The following MPV17L variants were observed in gnomAD, a reference collection of about 807,000 sequenced individuals.
MPV17L encodes mpv17-like protein.
Under a neutral mutation model 25.8 loss-of-function variants are expected in MPV17L, and 24 were observed. The ratio of observed to expected loss-of-function variants is 0.93; its 90% CI spans 0.67 to 1.31. The LOEUF is 1.31. Ranked by LOEUF, MPV17L falls within the 50% of genes most tolerant of loss-of-function variation. The pLI, the probability that MPV17L is intolerant of heterozygous loss-of-function variation, is 0.00. For missense variants in MPV17L, 250 were observed against 265.6 expected, an observed-to-expected ratio of 0.94 and a Z score of 0.41; for synonymous variants, 102 against 115.3, an observed-to-expected ratio of 0.88 and a Z score of 0.74.
In MPV17L at chr16:15,402,585, G is replaced by A. The variant is rs529991579; in HGVS notation, c.381+1728G>A. Reference sequence around the variant, plus strand: ...AACTATAAGTGTGTTCAGAACTCTTGTGATTTCTCTTAGGGCAGAAATTGA... The same window carrying A: ...AACTATAAGTGTGTTCAGAACTCTTATGATTTCTCTTAGGGCAGAAATTGA... On this transcript the variant is annotated intron_variant, in intron 2 of 3. Transcript: ENST00000396385. 2.0e-5 allele frequency among the ~76,000 whole-genome samples: 3 copies of A among 152,260 alleles called. No individual in the cohort carries two copies. The South Asian group carries it at 6.2e-4, about 32-fold the overall frequency.
In MPV17L at chr16:15,411,383, T is replaced by C. The variant is rs1460229741; in HGVS notation, c.*3271T>C. On this transcript the variant is annotated 3_prime_UTR_variant, in exon 4 of 4. Coordinates refer to ENST00000396385, the MANE Select transcript of MPV17L (RefSeq NM_001128423.2). ...ACTTGGGGCTGGGCATGATCGCTTA[T>C]GTCTATAATCCAAGTGCTTTGGGAG... 6.6e-6 allele frequency: 1 copy of C among 152,264 alleles called. No individual in the cohort carries two copies. Among genetic ancestry groups the C allele is most frequent in the Admixed American group, 6.5e-5 (1 of 15,276 alleles). 9.4% of individuals were successfully genotyped at this position (152,264 alleles called of 1,614,324 possible).
rs778444567 is a variant in MPV17L at position 15,407,800 on chromosome 16, G to T, written c.382-24G>T. ...TAAAAGGCAATCTAATAAAGTTGTT[G>T]CTTTTTTTTTTTCCCAATTCCAGAG... On this transcript the variant is annotated intron_variant, in intron 2 of 3. Transcript: ENST00000396385. 1.3e-5 allele frequency: 19 copies of T among 1,483,872 alleles called. No individual in the cohort carries two copies. The South Asian group carries it at 2.2e-4, about 17-fold the overall frequency. 91.9% of individuals were successfully genotyped at this position (1,483,872 alleles called of 1,614,324 possible).
At chr16:15,403,915 C>A (rs2050659987) in intron 2 of MPV17L, among the ~76,000 whole-genome samples, 1 of 152,024 alleles carries the variant, frequency 6.6e-6, no homozygotes, top group Non-Finnish European at 1.5e-5. Flanking sequence ...CGCCTGTAAT[C>A]ACAGCACTTT....
At chr16:15,400,383 C>T (rs2050622966) in intron 1 of MPV17L, among the ~76,000 whole-genome samples, 1 of 133,076 alleles carries the variant, frequency 7.5e-6, no homozygotes, top group Non-Finnish European at 1.5e-5. Context: ...CAGGGTCTTG[C>T]TGTGTTGCCC....
rs2050706341 is a variant in MPV17L at position 15,408,822 on chromosome 16, T to C, written c.*710T>C. Reference sequence around the variant, plus strand: ...GTTTTTGACACAGAGTCTCGCTCTGTCGCCCAGGCTGGAATGCAGTTGTGA... The same window carrying C: ...GTTTTTGACACAGAGTCTCGCTCTGCCGCCCAGGCTGGAATGCAGTTGTGA... On this transcript the variant is annotated 3_prime_UTR_variant, in exon 4 of 4. Transcript: ENST00000396385. 1 of 152,070 alleles carries C rather than the reference T, an allele frequency of 6.6e-6. No individual in the cohort carries two copies. Among genetic ancestry groups the C allele is most frequent in the African/African-American group, 2.4e-5 (1 of 41,366 alleles). 9.4% of individuals were successfully genotyped at this position (152,070 alleles called of 1,614,324 possible). A position where few individuals can be genotyped will look rare whatever the true frequency, so the allele number is the denominator to read the frequency against.
At position 15,412,688 on chromosome 16, in the gene MPV17L, G is replaced by C. The variant is rs2050743611; in HGVS notation, c.*4576G>C. 6.7e-6 allele frequency: 1 copy of C among 149,924 alleles called. No individual in the cohort carries two copies. The highest frequency in any genetic ancestry group is 2.1e-4 in the South Asian group (1 of 4,774). 9.3% of individuals were successfully genotyped at this position (149,924 alleles called of 1,614,324 possible). A position where few individuals can be genotyped will look rare whatever the true frequency, so the allele number is the denominator to read the frequency against. On this transcript the variant is annotated 3_prime_UTR_variant, in exon 4 of 4. Coordinates refer to ENST00000396385, the MANE Select transcript of MPV17L (RefSeq NM_001128423.2). ...TCTCCCGGGTTCACGCCATTCTCCT[G>C]CCTCAGCCCAAGTAGCAGGGACTAA...
intron 2 of MPV17L, among the ~76,000 whole-genome samples, chr16:15,402,822 A>T (rs1208919581): frequency 6.6e-6 from 1 of 151,800 alleles, no homozygotes; most frequent in Non-Finnish European, 1.5e-5. Context: ...GGAATTACAG[A>T]CTTGCACCAC....
intron 1 of MPV17L, among the ~76,000 whole-genome samples, chr16:15,400,488 C>A (rs912246786): frequency 6.6e-6 from 1 of 151,692 alleles, no homozygotes; most frequent in African/African-American, 2.4e-5. Flanking sequence ...GTAGCTATGA[C>A]TACAGGCACG....
In MPV17L at chr16:15,408,099, A is replaced by G; in HGVS notation, c.578A>G (p.Tyr193Cys). The change falls in exon 4 of 4, where the codon TAC (tyrosine) becomes TGC (cysteine). Residue 193 changes from tyrosine to cysteine, a missense_variant. By Grantham distance (194) the Tyr-to-Cys change is radical. Coordinates refer to ENST00000396385, the MANE Select transcript of MPV17L (RefSeq NM_001128423.2). ...YTKGTSATEG[Y>C]PKK ...AAGGGGACCAGTGCCACAGAAGGGTACCCGAAGAAATGAGAAGTCAAGGAC... is the reference window on the plus strand; with the variant it reads ...AAGGGGACCAGTGCCACAGAAGGGTGCCCGAAGAAATGAGAAGTCAAGGAC... 1 of 1,598,230 alleles carries G rather than the reference A, an allele frequency of 6.3e-7. No homozygotes were observed. Among genetic ancestry groups the G allele is most frequent in the African/African-American group, 1.3e-5 (1 of 74,698 alleles).
chr16:15,402,981 ACTT>A (rs1335457672), intron 2 of MPV17L, among the ~76,000 whole-genome samples: 2 of 151,272 alleles, frequency 1.3e-5, no homozygotes, highest in African/African-American at 2.4e-5. Context: ...ATACCCAGCC[ACTT>A]CTTCTGTTTT....
At chr16:15,399,890 C>T (rs750227761) in intron 1 of MPV17L, among the ~76,000 whole-genome samples, 2 of 152,096 alleles carry the variant, frequency 1.3e-5, no homozygotes, top group Non-Finnish European at 2.9e-5. Flanking sequence ...CCGCAACCTC[C>T]ACTTCCTGGG....
chr16:15,397,244 CTGCATAGGT>C (rs930459525), intron 1 of MPV17L, among the ~76,000 whole-genome samples: 2 of 152,106 alleles, frequency 1.3e-5, no homozygotes, highest in Admixed American at 6.6e-5. Context: ...AGCACATAGG[CTGCATAGGT>C]TGCATAGGTT....
intron 2 of MPV17L, among the ~76,000 whole-genome samples, chr16:15,402,434 C>T (rs568010817): frequency 1.3e-5 from 2 of 152,194 alleles, no homozygotes; most frequent in Non-Finnish European, 2.9e-5. Flanking sequence ...ATTACCTCCA[C>T]AGCTTCTAGC....
intron 1 of MPV17L, among the ~76,000 whole-genome samples, chr16:15,400,517 T>A (rs2050624373): frequency 6.6e-6 from 1 of 151,720 alleles, no homozygotes; most frequent in Admixed American, 6.6e-5. Flanking sequence ...CCTGGCTAAT[T>A]TTTGTATTTT....
At chr16:15,401,089 T>A (rs1240590753) in intron 2 of MPV17L, among the ~76,000 whole-genome samples, 289 of 115,544 alleles carry the variant, frequency 2.5e-3, no homozygotes, top group South Asian at 0.011. Context: ...TATATATATT[T>A]TTTTTTTTTT....
chr16:15,400,720 T>C, intron 1 of MPV17L, 67 bp from the exon 2 acceptor site: 1 of 1,116,000 alleles, frequency 9.0e-7, no homozygotes, highest in Non-Finnish European at 1.2e-6. Flanking sequence ...AATGGGAAAC[T>C]TAAACATGAA....
Position 15,407,820 on chromosome 16 carries a change from C to G in MPV17L, c.382-4C>G. The stretch of plus-strand genomic sequence containing the variant: ...TTGTTGCTTTTTTTTTTTCCCAATT[C>G]CAGAGTGGACTGATGTACTGGCCCT... On this transcript the variant is annotated splice_region_variant and splice_polypyrimidine_tract_variant and intron_variant, in intron 2 of 3. Coordinates refer to ENST00000396385, the MANE Select transcript of MPV17L (RefSeq NM_001128423.2). 3.1e-6 allele frequency: 5 copies of G among 1,597,366 alleles called. No homozygotes were observed. The highest frequency in any genetic ancestry group is 3.4e-6 in the Non-Finnish European group (4 of 1,174,610).
chr16:15,399,449 A>C (rs1301858763), intron 1 of MPV17L: 1 of 452,666 alleles, frequency 2.2e-6, no homozygotes, highest in Non-Finnish European at 4.4e-6. Flanking sequence ...TCTATTCCCC[A>C]GGCTGAAGTG....
chr16:15,405,458 T>C (rs567011574), intron 2 of MPV17L, among the ~76,000 whole-genome samples: 1 of 151,256 alleles, frequency 6.6e-6, no homozygotes, highest in East Asian at 2.0e-4. Context: ...TAATTTTTTT[T>C]TTTTTTTTGA....
Sources: gnomAD v4.1 joint callset for allele counts (sites outside exome capture counted in the v4.1 genomes callset) on GRCh38, gnomAD v4.1.1 for gene constraint, MANE v1.5 for transcripts, NCBI Gene and HGNC (gene_info 2026-07-23, HGNC 2026-07-21) for gene names.